IKZF4: variants seen among roughly 807,000 people sequenced by gnomAD.
IKZF4 encodes zinc finger protein Eos.
A neutral mutation model predicts 47.7 loss-of-function variants in IKZF4; 11 were observed. The ratio of observed to expected loss-of-function variants is 0.23; its 90% CI spans 0.15 to 0.38. The LOEUF is 0.38. Ranked by LOEUF, IKZF4 falls within the 10% of genes least tolerant of loss-of-function variation. The pLI is 1.00. For synonymous variants in IKZF4, 298 were observed against 299.4 expected (o/e 1.00, Z 0.05); for missense variants, 557 against 784.9 (o/e 0.71, Z 3.47).
intron 5 of IKZF4, among the ~76,000 whole-genome samples, chr12:56,031,201 A>G (rs1379506452): frequency 6.6e-6 from 1 of 152,186 alleles, no homozygotes; most frequent in Non-Finnish European, 1.5e-5. Flanking sequence ...CAGTGAGCCG[A>G]GATCGTGCCA....
intron 2 of IKZF4, 139 bp downstream of exon 2, chr12:56,023,903 C>T (rs1893509989): frequency 4.7e-6 from 7 of 1,481,032 alleles, no homozygotes; most frequent in African/African-American, 1.4e-5. Context: ...TGTGTGCACA[C>T]ATCCATGCAT....
intron 2 of IKZF4, among the ~76,000 whole-genome samples, chr12:56,015,080 G>C (rs1202655868): frequency 1.3e-5 from 2 of 151,898 alleles, no homozygotes; most frequent in African/African-American, 4.8e-5. Flanking sequence ...TTGTGGGCTT[G>C]TTTTGTTTTG....
chr12:56,031,382 A>G (rs1013389394), intron 5 of IKZF4, among the ~76,000 whole-genome samples: 1 of 152,252 alleles, frequency 6.6e-6, no homozygotes, highest in Non-Finnish European at 1.5e-5. Context: ...ATTATTATGT[A>G]TCAATTATCA....
Position 56,033,236 on chromosome 12 carries a change from C to A in IKZF4, c.912C>A (p.His304Gln), listed in dbSNP as rs766604863. The A allele has an allele frequency of 6.2e-7, 1 of 1,614,028 alleles. No individual in the cohort carries two copies. Among genetic ancestry groups the A allele is most frequent in the Non-Finnish European group, 8.5e-7 (1 of 1,179,908 alleles). Residue 304 changes from histidine to glutamine, a missense_variant, in exon 7 of 8, where the codon CAC (histidine) becomes CAA (glutamine). Transcript: ENST00000547167. ...DLEMVPDSML[H>Q]SSSERPTFID... is the part of the protein sequence containing the mutation. ...AGATGGTGCCAGACTCCATGCTGCA[C>A]TCATCCTCTGAGCGGCCAACTTTCA...
chr12:56,016,918 C>CG (rs1203583452), upstream of IKZF4, among the ~76,000 whole-genome samples: 1 of 151,694 alleles, frequency 6.6e-6, no homozygotes, highest in Non-Finnish European at 1.5e-5. Flanking sequence ...TTAGTGGAGA[C>CG]GGGGTTTCAC....
intron 3 of IKZF4, among the ~76,000 whole-genome samples, chr12:56,025,481 T>C (rs1362794011): frequency 6.6e-6 from 1 of 151,508 alleles, no homozygotes; most frequent in Non-Finnish European, 1.5e-5. Flanking sequence ...AAATAGAGAG[T>C]AGAAGGACCT....
At position 56,034,657 on chromosome 12, in the gene IKZF4, C is replaced by G; in HGVS notation, c.1084C>G (p.His362Asp). The change falls in exon 8 of 8, where the codon CAC (histidine) becomes GAC (aspartate). Residue 362 changes from histidine to aspartate, a missense_variant. Coordinates refer to ENST00000547167, the MANE Select transcript of IKZF4 (RefSeq NM_022465.4). ...GYEKDVELVAHHSLEPGFGSS... is the reference protein window; with the variant it reads ...GYEKDVELVADHSLEPGFGSS... ...TGAAAAGGATGTGGAGTTGGTGGCA[C>G]ACCACAGCCTAGAGCCTGGCTTTGG... 1.2e-6 allele frequency: 2 copies of G among 1,614,032 alleles called. No individual in the cohort carries two copies. Among genetic ancestry groups the G allele is most frequent in the Non-Finnish European group, 1.7e-6 (2 of 1,179,896 alleles).
chr12:56,015,154 G>A (rs1891858666), intron 2 of IKZF4, among the ~76,000 whole-genome samples: 2 of 152,152 alleles, frequency 1.3e-5, no homozygotes, highest in Non-Finnish European at 2.9e-5. Flanking sequence ...TCGGCTCACT[G>A]CAACCTCTGT....
At chr12:56,026,746 C>T in intron 3 of IKZF4, 35 bp from the exon 4 acceptor site, 1 of 1,442,186 alleles carries the variant, frequency 6.9e-7, no homozygotes, top group Non-Finnish European at 9.2e-7. Flanking sequence ...TCCCCCTTTG[C>T]CTCTCTCTAT....
intron 4 of IKZF4, among the ~76,000 whole-genome samples, chr12:56,027,331 T>G (rs965028380): frequency 2.0e-5 from 3 of 152,134 alleles, no homozygotes; most frequent in African/African-American, 7.2e-5. Flanking sequence ...GAGGGGAAAG[T>G]GTAGACTCAA....
chr12:56,032,432 A>G, intron 5 of IKZF4, 129 bp from the exon 6 acceptor site: 1 of 900,148 alleles, frequency 1.1e-6, no homozygotes, highest in Non-Finnish European at 1.6e-6. Context: ...ATGAAAGACA[A>G]GTAGAAGAAC....
chr12:56,033,334 T>C lies in IKZF4; in HGVS notation c.997+13T>C, dbSNP rs1895167925. 6.2e-7 allele frequency: 1 copy of C among 1,613,674 alleles called. No individual in the cohort carries two copies. The highest frequency in any genetic ancestry group is 1.7e-5 in the Admixed American group (1 of 59,984). On this transcript the variant is annotated intron_variant, in intron 7 of 7. Coordinates refer to ENST00000547167, the MANE Select transcript of IKZF4 (RefSeq NM_022465.4). ...CAGAAGTTTGTAGGTAAGAATCCAG[T>C]TGGAAAGACGTATCAGCTTTAAGCC...
chr12:56,035,301 C>T lies in IKZF4; in HGVS notation c.1728C>T (p.His576=). Residue 576 remains histidine, a synonymous_variant, in exon 8 of 8, where the codon CAC becomes CAT. Coordinates refer to ENST00000547167, the MANE Select transcript of IKZF4 (RefSeq NM_022465.4). This position sits in a 1 kb window ranked among gnomAD's most constrained non-coding sequence, Gnocchi z 6.1. The part of the protein sequence containing the change: ...HSQDRYEFSS[H]IVRGEHKVG ...AGGACCGGTACGAATTCTCTTCCCA[C>T]ATTGTCCGGGGGGAGCATAAGGTGG... The T allele has an allele frequency of 6.2e-7, 1 of 1,613,126 alleles. No homozygotes were observed. The highest frequency in any genetic ancestry group is 1.3e-5 in the African/African-American group (1 of 75,024).
Position 56,027,814 on chromosome 12 carries a change from C to T in IKZF4, c.582C>T (p.Ala194=), listed in dbSNP as rs1894271037. ...CCTTCCATTGCAACCAGTGTGGTGC[C>T]TCCTTCACCCAGAAGGGGAACCTGC... ...ERPFHCNQCG[A]SFTQKGNLLR... is the part of the protein sequence containing the mutation. The change falls in exon 5 of 8, where the codon GCC becomes GCT. Residue 194 remains alanine, a synonymous_variant. Coordinates refer to ENST00000547167, the MANE Select transcript of IKZF4 (RefSeq NM_022465.4). 6.2e-7 allele frequency: 1 copy of T among 1,613,302 alleles called. No homozygotes were observed. The highest frequency in any genetic ancestry group is 8.5e-7 in the Non-Finnish European group (1 of 1,179,644).
upstream of IKZF4, chr12:56,018,111 T>C (rs760021621): frequency 7.8e-7 from 1 of 1,287,680 alleles, no homozygotes; most frequent in South Asian, 1.2e-5. Flanking sequence ...TAGCAGCTAT[T>C]TTCTTTTTCA....
chr12:56,017,306 AC>A (rs1455906498), upstream of IKZF4, among the ~76,000 whole-genome samples: 6 of 134,874 alleles, frequency 4.4e-5, no homozygotes, highest in African/African-American at 1.7e-4. Flanking sequence ...ATAACCATTT[AC>A]AGGTTTAACT....
Position 56,021,477 on chromosome 12 carries a change from G to A in IKZF4, c.-17G>A. ...TGAGTGGCTGGGCTCACCCCTGCCT[G>A]CCACTGAGACGCAGACATGCATACA... is the stretch of plus-strand genomic sequence containing the variant. On this transcript the variant is annotated 5_prime_UTR_variant, in exon 1 of 8. Transcript: ENST00000547167. The A allele has an allele frequency of 6.3e-7, 1 of 1,589,856 alleles. No homozygotes were observed. Among genetic ancestry groups the A allele is most frequent in the Non-Finnish European group, 8.6e-7 (1 of 1,169,548 alleles).
intron 5 of IKZF4, among the ~76,000 whole-genome samples, chr12:56,029,158 T>C (rs961682468): frequency 6.6e-6 from 1 of 152,180 alleles, no homozygotes; most frequent in African/African-American, 2.4e-5. Flanking sequence ...GTATCCTATT[T>C]CTGTTCCCTA....
chr12:56,034,159 C>T (rs1376000986), intron 7 of IKZF4, among the ~76,000 whole-genome samples: 1 of 152,158 alleles, frequency 6.6e-6, no homozygotes, highest in East Asian at 1.9e-4. Flanking sequence ...CCTCAGCCTC[C>T]CAAAGTGCTG....
Sources: allele counts gnomAD v4.1 joint callset (sites outside exome capture counted in the v4.1 genomes callset), GRCh38; gene constraint gnomAD v4.1.1; non-coding constraint Gnocchi (gnomAD v3.1); transcripts MANE v1.5; gene names NCBI Gene and HGNC (gene_info 2026-07-23, HGNC 2026-07-21).